The following FNDC3A variants were observed in gnomAD, a reference collection of about 807,000 sequenced individuals.
The protein encoded by FNDC3A is fibronectin type-III domain-containing protein 3A.
In FNDC3A, 32 loss-of-function variants were observed where a neutral mutation model predicts 148.9. The observed-to-expected ratio is 0.21, with a 90% confidence interval of 0.16 to 0.29. The LOEUF (loss-of-function observed/expected upper bound fraction) is 0.29. Ranked by LOEUF, FNDC3A falls within the 10% of genes least tolerant of loss-of-function variation. The pLI, the probability that FNDC3A is intolerant of heterozygous loss-of-function variation, is 1.00. For synonymous variants in FNDC3A, 472 were observed against 473.6 expected, an observed-to-expected ratio of 1.00 and a Z score of 0.04; for missense variants, 1,191 against 1,452.8, an observed-to-expected ratio of 0.82 and a Z score of 2.93.
rs747525827 is a variant in FNDC3A at position 49,136,646 on chromosome 13, G to A, written c.760+45G>A. 2.5e-5 allele frequency: 39 copies of A among 1,563,638 alleles called. 1 individual carries two copies. In the Middle Eastern group the frequency reaches 5.1e-4, roughly 20 times the overall value. On this transcript the variant is annotated intron_variant, in intron 6 of 25. Transcript: ENST00000492622. ...AACTGTTCTCATTGATGCTATTCTC[G>A]TGATTTAACCTACTAAAAGTATATT...
chr13:49,073,123 T>G (rs1303127653), intron 2 of FNDC3A, among the ~76,000 whole-genome samples: 1 of 152,036 alleles, frequency 6.6e-6, no homozygotes, highest in Non-Finnish European at 1.5e-5. Flanking sequence ...AAGTTAAATA[T>G]AGAAGCAGTA....
At chr13:49,067,833 G>A (rs1482956477) in intron 2 of FNDC3A, among the ~76,000 whole-genome samples, 4 of 152,086 alleles carry the variant, frequency 2.6e-5, no homozygotes, top group Non-Finnish European at 5.9e-5. Flanking sequence ...CCCAGGTTAA[G>A]AACTCTTGTG....
chr13:49,003,561 A>AT (rs934635684), intron 1 of FNDC3A, among the ~76,000 whole-genome samples: 14 of 152,014 alleles, frequency 9.2e-5, no homozygotes, highest in African/African-American at 2.4e-4. Flanking sequence ...AATCCAGTAT[A>AT]TTTTTTTGTT....
intron 2 of FNDC3A, among the ~76,000 whole-genome samples, chr13:49,067,317 G>A (rs141089514): frequency 6.6e-6 from 1 of 152,158 alleles, no homozygotes; most frequent in East Asian, 1.9e-4. Flanking sequence ...AGTGTCTTTC[G>A]CATTTCTTAA....
chr13:49,072,861 G>GA (rs1459873637), intron 2 of FNDC3A, among the ~76,000 whole-genome samples: 4 of 31,040 alleles, frequency 1.3e-4, no homozygotes, highest in Middle Eastern at 0.029. Context: ...AGAGTATTTT[G>GA]GTGGAGTCTT....
In FNDC3A at chr13:49,198,403, T is replaced by C; in HGVS notation, c.2816T>C (p.Phe939Ser). The C allele has an allele frequency of 6.2e-7, 1 of 1,614,242 alleles. No individual in the cohort carries two copies. The highest frequency in any genetic ancestry group is 8.5e-7 in the Non-Finnish European group (1 of 1,180,046). The stretch of plus-strand genomic sequence containing the variant: ...TTGAATAGCCTTGGAGCTGGTCCTT[T>C]CAGCCATATGATAAAATTAAAAACT... ...QALNSLGAGP[F>S]SHMIKLKTKP... Residue 939 changes from phenylalanine to serine, a missense_variant, in exon 23 of 26, where the codon TTC becomes TCC. This residue lies in a region of FNDC3A where 751 missense variants were observed against 944.0 expected (regional missense o/e 0.80). Coordinates refer to ENST00000492622, the MANE Select transcript of FNDC3A (RefSeq NM_001079673.2).
At chr13:49,082,082 T>C (rs1403162017) in intron 3 of FNDC3A, among the ~76,000 whole-genome samples, 8 of 151,792 alleles carry the variant, frequency 5.3e-5, no homozygotes, top group Non-Finnish European at 8.8e-5. Context: ...ATTGAAATGA[T>C]AGGTCAAAAA....
chr13:49,010,628 G>T (rs1027214946), intron 2 of FNDC3A, among the ~76,000 whole-genome samples: 1 of 152,114 alleles, frequency 6.6e-6, no homozygotes, highest in Non-Finnish European at 1.5e-5. Context: ...AGAAAAGTAC[G>T]TAAAATAAGC....
intron 11 of FNDC3A, 49 bp downstream of exon 11, chr13:49,172,145 C>A: frequency 1.7e-6 from 2 of 1,166,086 alleles, no homozygotes; most frequent in Non-Finnish European, 2.5e-6. Flanking sequence ...TGCATATGTT[C>A]AGGCAAAATT....
intron 3 of FNDC3A, among the ~76,000 whole-genome samples, chr13:49,114,406 A>C (rs1364834160): frequency 1.7e-5 from 2 of 116,188 alleles, no homozygotes; most frequent in Non-Finnish European, 4.0e-5. Flanking sequence ...AAAGCCCTCC[A>C]ACCTCCCCGC....
chr13:49,008,937 T>TTATTAACA (rs71076062), intron 2 of FNDC3A, among the ~76,000 whole-genome samples: 99,599 of 151,200 alleles, frequency 0.66, 32,943 homozygotes, highest in Admixed American at 0.69. Flanking sequence ...GTTTCTTCAT[T>TTATTAACA]TATTAGTGTG....
intron 1 of FNDC3A, among the ~76,000 whole-genome samples, chr13:48,993,914 T>C (rs1304671889): frequency 6.6e-6 from 1 of 152,172 alleles, no homozygotes; most frequent in Non-Finnish European, 1.5e-5. Context: ...AGTAATGAAG[T>C]TTTAGTATCT....
chr13:49,197,373 AATT>A (rs1886205008), intron 20 of FNDC3A, among the ~76,000 whole-genome samples: 1 of 152,214 alleles, frequency 6.6e-6, no homozygotes, highest in South Asian at 2.1e-4. Flanking sequence ...CAGTGATGAT[AATT>A]ATTATATTTT....
intron 3 of FNDC3A, among the ~76,000 whole-genome samples, chr13:49,091,287 T>A (rs1879175147): frequency 7.0e-6 from 1 of 143,430 alleles, no homozygotes; most frequent in African/African-American, 2.6e-5. Flanking sequence ...AAAAAAGAAA[T>A]AAACAGAAAT....
intron 3 of FNDC3A, among the ~76,000 whole-genome samples, chr13:49,086,702 TAAAC>T (rs1031073991): frequency 2.6e-5 from 4 of 152,172 alleles, no homozygotes; most frequent in Non-Finnish European, 5.9e-5. Flanking sequence ...ATACATTACT[TAAAC>T]AACCTTAACT....
At chr13:49,051,284 A>G (rs1381579185) in intron 2 of FNDC3A, among the ~76,000 whole-genome samples, 1 of 152,090 alleles carries the variant, frequency 6.6e-6, no homozygotes, top group East Asian at 1.9e-4. Context: ...CTTATGCTTT[A>G]AGGAGGTTCT....
intron 2 of FNDC3A, chr13:49,044,816 T>A: frequency 2.4e-6 from 1 of 408,246 alleles, no homozygotes. Flanking sequence ...ATTTTTTCAA[T>A]ACTTTTTGTG....
At chr13:49,184,591 C>T (rs1164559270) in intron 14 of FNDC3A, among the ~76,000 whole-genome samples, 1 of 151,948 alleles carries the variant, frequency 6.6e-6, no homozygotes, top group East Asian at 1.9e-4. Context: ...TTGAACCTGC[C>T]GGCTGCTCCA....
chr13:49,089,309 C>A (rs1460479284), intron 3 of FNDC3A, among the ~76,000 whole-genome samples: 2 of 152,210 alleles, frequency 1.3e-5, no homozygotes, highest in Non-Finnish European at 2.9e-5. Flanking sequence ...AGGCAAAATT[C>A]TAGGATGGCC....
Sources: allele counts gnomAD v4.1 joint callset (sites outside exome capture counted in the v4.1 genomes callset), GRCh38; gene constraint gnomAD v4.1.1; regional missense constraint gnomAD v4.1.1; transcripts MANE v1.5; gene names NCBI Gene and HGNC (gene_info 2026-07-23, HGNC 2026-07-21).